The following MACROD2 variants were observed in gnomAD, a reference collection of about 807,000 sequenced individuals.
MACROD2 encodes the protein ADP-ribose glycohydrolase MACROD2.
MACROD2 carries 36 observed loss-of-function variants against 70.4 expected under a neutral mutation model. The ratio of observed to expected loss-of-function variants is 0.51; its 90% CI spans 0.39 to 0.68. MACROD2 has a LOEUF of 0.68. MACROD2 is among the 30% of genes least tolerant of loss of function. The probability of loss-of-function intolerance (pLI) is 0.00; values close to 1 mark genes in which losing one functional copy is unlikely to be tolerated. For synonymous variants in MACROD2, 172 were observed against 178.8 expected (o/e 0.96, Z 0.30); for missense variants, 496 against 538.4 (o/e 0.92, Z 0.78).
At chr20:14,838,961 G>A (rs1468788637) in intron 5 of MACROD2, among the ~76,000 whole-genome samples, 1 of 152,044 alleles carries the variant, frequency 6.6e-6, no homozygotes, top group East Asian at 1.9e-4. Flanking sequence ...TGTGGTCATG[G>A]TCTGGCAGTA....
At chr20:14,680,529 C>T (rs1425325602) in intron 4 of MACROD2, among the ~76,000 whole-genome samples, 2 of 152,070 alleles carry the variant, frequency 1.3e-5, no homozygotes, top group East Asian at 3.9e-4. Flanking sequence ...CAGTATTTTA[C>T]CTGCCTGCTA....
intron 5 of MACROD2, among the ~76,000 whole-genome samples, chr20:15,225,457 A>G (rs1157598976): frequency 1.3e-5 from 2 of 152,136 alleles, no homozygotes; most frequent in Admixed American, 6.5e-5. Flanking sequence ...TTTCCTCCCC[A>G]TATTCCCTCC....
At chr20:15,657,366 A>G (rs1469410902) in intron 8 of MACROD2, among the ~76,000 whole-genome samples, 1 of 152,220 alleles carries the variant, frequency 6.6e-6, no homozygotes, top group Admixed American at 6.5e-5. Context: ...GAATTCGGCT[A>G]CCTGTTGTTG....
At chr20:15,291,567 A>T (rs2077541185) in intron 6 of MACROD2, among the ~76,000 whole-genome samples, 1 of 152,220 alleles carries the variant, frequency 6.6e-6, no homozygotes, top group Non-Finnish European at 1.5e-5. Context: ...CATACCTATA[A>T]GACATTAACA....
At chr20:14,197,866 T>C (rs927426261) in intron 3 of MACROD2, among the ~76,000 whole-genome samples, 7 of 152,134 alleles carry the variant, frequency 4.6e-5, no homozygotes, top group African/African-American at 1.2e-4. Flanking sequence ...ATGTTTACAG[T>C]GTTAAAATTT....
At chr20:14,307,741 C>T (rs1171101754) in intron 3 of MACROD2, among the ~76,000 whole-genome samples, 1 of 152,048 alleles carries the variant, frequency 6.6e-6, no homozygotes, top group East Asian at 1.9e-4. Flanking sequence ...GAAAAAAAAG[C>T]AGACAAATTT....
intron 8 of MACROD2, among the ~76,000 whole-genome samples, chr20:15,791,387 TA>T (rs1005236119): frequency 2.0e-5 from 3 of 151,548 alleles, no homozygotes; most frequent in East Asian, 1.9e-4. Flanking sequence ...TCAATCTGTA[TA>T]AAAAAAACCA....
At position 16,045,623 on chromosome 20, in the gene MACROD2, C is replaced by T. The variant is rs73898353; in HGVS notation, c.1300+984C>T. On this transcript the variant is annotated intron_variant, in intron 17 of 17. Coordinates refer to ENST00000684519, the MANE Select transcript of MACROD2 (RefSeq NM_001351661.2). ...AACGTCTTTGCCCTTGGTCAGGTCA[C>T]ATTGCTCCTATAAATCTTTAACATA... 4.8e-3 allele frequency among the ~76,000 whole-genome samples: 723 copies of T among 152,130 alleles called. 8 individuals are homozygous for T. Among genetic ancestry groups the T allele is most frequent in the African/African-American group, 0.017 (698 of 41,488 alleles).
At chr20:14,625,713 C>T (rs1384101296) in intron 4 of MACROD2, among the ~76,000 whole-genome samples, 1 of 152,168 alleles carries the variant, frequency 6.6e-6, no homozygotes, top group Non-Finnish European at 1.5e-5. Context: ...TGAGAGGAGC[C>T]AGCTAGTTGT....
chr20:16,014,363 G>T (rs540783409), intron 15 of MACROD2, among the ~76,000 whole-genome samples: 1 of 152,082 alleles, frequency 6.6e-6, no homozygotes, highest in African/African-American at 2.4e-5. Flanking sequence ...TATATTCTCC[G>T]GTTCTAAAAG....
intron 3 of MACROD2, among the ~76,000 whole-genome samples, chr20:14,226,375 C>T (rs554096852): frequency 2.3e-3 from 344 of 152,350 alleles, no homozygotes; most frequent in African/African-American, 4.5e-3. Flanking sequence ...CGCTCGCTCT[C>T]GGCGCCTCCT....
intron 2 of MACROD2, among the ~76,000 whole-genome samples, chr20:14,022,078 A>G (rs1270781361): frequency 6.6e-6 from 1 of 152,218 alleles, no homozygotes; most frequent in African/African-American, 2.4e-5. Context: ...TATATGTTAT[A>G]GGAAGAGGAT....
At chr20:15,351,838 C>G (rs1398601951) in intron 6 of MACROD2, among the ~76,000 whole-genome samples, 1 of 152,150 alleles carries the variant, frequency 6.6e-6, no homozygotes, top group Non-Finnish European at 1.5e-5. Flanking sequence ...TTTTTTTAGG[C>G]CAATTCCACA....
intron 5 of MACROD2, among the ~76,000 whole-genome samples, chr20:14,749,712 T>C (rs2071844899): frequency 6.6e-6 from 1 of 152,156 alleles, no homozygotes; most frequent in African/African-American, 2.4e-5. Context: ...ATGACTTCAT[T>C]TTAGTAATAG....
chr20:15,755,518 G>A (rs2051335217), intron 8 of MACROD2, among the ~76,000 whole-genome samples: 1 of 152,100 alleles, frequency 6.6e-6, no homozygotes, highest in African/African-American at 2.4e-5. Flanking sequence ...CACGTGCACT[G>A]GAATATACTC....
intron 4 of MACROD2, among the ~76,000 whole-genome samples, chr20:14,657,479 G>A (rs1986033108): frequency 6.6e-6 from 1 of 152,218 alleles, no homozygotes; most frequent in Non-Finnish European, 1.5e-5. Flanking sequence ...AGCCAGAACT[G>A]TTACACACTG....
At chr20:14,460,679 C>T (rs1398195439) in intron 3 of MACROD2, among the ~76,000 whole-genome samples, 1 of 151,994 alleles carries the variant, frequency 6.6e-6, no homozygotes, top group African/African-American at 2.4e-5. Flanking sequence ...TTGAGATAAT[C>T]ATGTGGTTTT....
intron 10 of MACROD2, among the ~76,000 whole-genome samples, chr20:15,931,365 G>A (rs1392736503): frequency 6.6e-6 from 1 of 152,186 alleles, no homozygotes; most frequent in Non-Finnish European, 1.5e-5. Context: ...ATTCAGGCCA[G>A]GTGTGGTGTC....
intron 5 of MACROD2, among the ~76,000 whole-genome samples, chr20:14,984,831 C>G (rs1281627302): frequency 6.6e-6 from 1 of 152,112 alleles, no homozygotes; most frequent in Non-Finnish European, 1.5e-5. Context: ...AGAGGAACAT[C>G]TCATGCTGGG....
Sources: allele counts gnomAD v4.1 joint callset (sites outside exome capture counted in the v4.1 genomes callset), GRCh38; gene constraint gnomAD v4.1.1; transcripts MANE v1.5; gene names NCBI Gene and HGNC (gene_info 2026-07-23, HGNC 2026-07-21).